The following RTN4RL1 variants were observed in gnomAD, a reference collection of about 807,000 sequenced individuals.
The protein encoded by RTN4RL1 is reticulon-4 receptor-like 1.
RTN4RL1 carries 7 observed loss-of-function variants against 25.6 expected under a neutral mutation model. That is an observed-to-expected ratio of 0.27 (90% CI 0.16 to 0.51). RTN4RL1 has a LOEUF of 0.51. Ranked by LOEUF, RTN4RL1 falls within the 20% of genes least tolerant of loss-of-function variation. RTN4RL1 has a pLI of 0.97. For synonymous variants in RTN4RL1, 297 were observed against 288.2 expected, an observed-to-expected ratio of 1.03 and a Z score of -0.31; for missense variants, 500 against 615.6, an observed-to-expected ratio of 0.81 and a Z score of 1.99.
At chr17:1,954,974 C>T (rs931918478) in intron 1 of RTN4RL1, among the ~76,000 whole-genome samples, 2 of 152,212 alleles carry the variant, frequency 1.3e-5, no homozygotes, top group Non-Finnish European at 2.9e-5. Flanking sequence ...TAATTCTCCT[C>T]GGACCCTCTG....
chr17:1,989,108 G>T (rs145626815), intron 1 of RTN4RL1, among the ~76,000 whole-genome samples: 369 of 152,256 alleles, frequency 2.4e-3, no homozygotes, highest in Non-Finnish European at 4.4e-3. Flanking sequence ...CACCAATCAG[G>T]AGGCTACTGC....
chr17:2,000,828 G>T (rs1056759921), intron 1 of RTN4RL1, among the ~76,000 whole-genome samples: 1 of 151,894 alleles, frequency 6.6e-6, no homozygotes, highest in African/African-American at 2.4e-5. Context: ...CAGGGTTCTG[G>T]TTCTATTACC....
chr17:1,988,969 G>A (rs936958677), intron 1 of RTN4RL1, among the ~76,000 whole-genome samples: 4 of 152,074 alleles, frequency 2.6e-5, no homozygotes, highest in African/African-American at 9.7e-5. Context: ...TAAAAACAGG[G>A]GCCCCTATTT....
At chr17:1,987,892 G>A (rs543834223) in intron 1 of RTN4RL1, among the ~76,000 whole-genome samples, 57 of 151,018 alleles carry the variant, frequency 3.8e-4, no homozygotes, top group Non-Finnish European at 7.4e-4. Context: ...GATCACCTGA[G>A]GTCAGGATTT....
intron 1 of RTN4RL1, among the ~76,000 whole-genome samples, chr17:1,988,524 A>AG (rs1555519902): frequency 0.012 from 1,047 of 85,520 alleles, 23 homozygotes; most frequent in African/African-American, 0.043. Context: ...AAAAAAAAAG[A>AG]AAAGAAAAGA....
chr17:1,939,072 G>T (rs975336232), intron 1 of RTN4RL1, among the ~76,000 whole-genome samples: 1 of 150,754 alleles, frequency 6.6e-6, no homozygotes, highest in Non-Finnish European at 1.5e-5. Flanking sequence ...TAAAATAAAG[G>T]CCGGGAGCAG....
chr17:1,999,874 G>GCCTCTCCTCT (rs1277439040), intron 1 of RTN4RL1, among the ~76,000 whole-genome samples: 2 of 152,316 alleles, frequency 1.3e-5, no homozygotes, highest in Non-Finnish European at 2.9e-5. Flanking sequence ...GCCTCTTCTC[G>GCCTCTCCTCT]CCTCTCCTCT....
chr17:2,015,190 C>T (rs543699378), intron 1 of RTN4RL1, among the ~76,000 whole-genome samples: 7 of 151,972 alleles, frequency 4.6e-5, no homozygotes, highest in Non-Finnish European at 1.0e-4. Context: ...GGCAGGGCTT[C>T]GCGAGGCACG....
chr17:1,942,427 G>C (rs1194636480), intron 1 of RTN4RL1, among the ~76,000 whole-genome samples: 1 of 152,106 alleles, frequency 6.6e-6, no homozygotes, highest in Non-Finnish European at 1.5e-5. Context: ...GGAGATGGGG[G>C]CTCCCAAGAG....
Position 1,936,271 on chromosome 17 carries a change from G to A in RTN4RL1, c.*225C>T. ...ACACTGTCCGTGGGCGCTCTGCGGG[G>A]CTGGCTGGGACAGCCGGCTGAGAAG... On this transcript the variant is annotated 3_prime_UTR_variant, in exon 2 of 2. Coordinates refer to ENST00000331238, the MANE Select transcript of RTN4RL1 (RefSeq NM_178568.4). The A allele has an allele frequency of 1.5e-6, 2 of 1,371,664 alleles. No homozygotes were observed. The highest frequency in any genetic ancestry group is 3.5e-5 in the South Asian group (2 of 56,590). 85.0% of individuals were successfully genotyped at this position (1,371,664 alleles called of 1,614,324 possible).
chr17:2,002,052 G>T (rs549612052), intron 1 of RTN4RL1, among the ~76,000 whole-genome samples: 1 of 151,194 alleles, frequency 6.6e-6, no homozygotes, highest in South Asian at 2.1e-4. Context: ...GAGGAGAGAC[G>T]CAGGGAGCTG....
At chr17:2,021,239 A>G (rs1480488836) in intron 1 of RTN4RL1, among the ~76,000 whole-genome samples, 1 of 152,198 alleles carries the variant, frequency 6.6e-6, no homozygotes. Context: ...ACCAGGAATC[A>G]GAGAGATGAT....
intron 1 of RTN4RL1, among the ~76,000 whole-genome samples, chr17:1,946,870 G>GTC (rs1597488731): frequency 1.7e-5 from 1 of 59,644 alleles, no homozygotes; most frequent in Non-Finnish European, 3.9e-5. Flanking sequence ...GTGTGCACGT[G>GTC]TGTCTGTGTC....
chr17:1,973,344 C>CAAT, intron 1 of RTN4RL1, among the ~76,000 whole-genome samples: 1 of 139,728 alleles, frequency 7.2e-6, no homozygotes, highest in East Asian at 2.1e-4. Flanking sequence ...CCAGCCTGGG[C>CAAT]AATAGTGTGA....
chr17:2,016,669 G>A (rs1327017870), intron 1 of RTN4RL1, among the ~76,000 whole-genome samples: 1 of 152,264 alleles, frequency 6.6e-6, no homozygotes, highest in Non-Finnish European at 1.5e-5. Context: ...GAGACGCAGC[G>A]TGTGGCATGC....
chr17:1,958,062 G>A (rs1273447188), intron 1 of RTN4RL1, among the ~76,000 whole-genome samples: 2 of 151,500 alleles, frequency 1.3e-5, no homozygotes, highest in African/African-American at 2.4e-5. Context: ...GCATGTCAGG[G>A]CACACCTGTA....
intron 1 of RTN4RL1, among the ~76,000 whole-genome samples, chr17:1,982,689 G>C (rs751102004): frequency 5.3e-5 from 8 of 152,188 alleles, no homozygotes; most frequent in Admixed American, 3.3e-4. Context: ...CCGGGCCCTC[G>C]ACGCCGTGCA....
At chr17:1,979,222 A>G (rs2066856432) in intron 1 of RTN4RL1, among the ~76,000 whole-genome samples, 1 of 152,214 alleles carries the variant, frequency 6.6e-6, no homozygotes, top group South Asian at 2.1e-4. Flanking sequence ...GCAGTGAGCC[A>G]AGATAGCGCC....
intron 1 of RTN4RL1, among the ~76,000 whole-genome samples, chr17:1,988,243 C>T (rs976140796): frequency 6.6e-6 from 1 of 151,342 alleles, no homozygotes; most frequent in Admixed American, 6.6e-5. Flanking sequence ...GGTGAAAACC[C>T]GTCTCTACTA....
Sources: gnomAD v4.1 joint callset for allele counts (sites outside exome capture counted in the v4.1 genomes callset) on GRCh38, gnomAD v4.1.1 for gene constraint, MANE v1.5 for transcripts, NCBI Gene and HGNC (gene_info 2026-07-23, HGNC 2026-07-21) for gene names.